Variants in ADGRL2 observed in about 807,000 individuals in gnomAD.
ADGRL2 encodes the protein calcium-independent alpha-latrotoxin receptor 2.
Under a neutral mutation model 157.4 loss-of-function variants are expected in ADGRL2, and 44 were observed. The observed-to-expected ratio is 0.28, with a 90% CI of 0.22 to 0.36. The LOEUF (loss-of-function observed/expected upper bound fraction) is 0.36. ADGRL2 is among the 10% of genes least tolerant of loss of function. The probability of loss-of-function intolerance (pLI) is 1.00; values close to 1 mark genes in which losing one functional copy is unlikely to be tolerated. For missense variants in ADGRL2, 1,510 were observed against 1,768.9 expected (o/e 0.85, Z 2.63); for synonymous variants, 585 against 624.7 (o/e 0.94, Z 0.95).
At chr1:81,781,790 A>G (rs1031534077) in intron 2 of ADGRL2, among the ~76,000 whole-genome samples, 1 of 152,236 alleles carries the variant, frequency 6.6e-6, no homozygotes, top group Admixed American at 6.5e-5. Flanking sequence ...TGCCAGGGAC[A>G]CTACTGCCAG....
At chr1:81,426,595 CAGATGATAGTTTA>C (rs1488777112) in intron 1 of ADGRL2, 1 of 474,638 alleles carries the variant, frequency 2.1e-6, no homozygotes, top group African/African-American at 2.0e-5. Flanking sequence ...TTTGAAACGA[CAGATGATAGTTTA>C]AGAGAACATT....
chr1:81,390,114 A>C (rs1180265697), intron 1 of ADGRL2, among the ~76,000 whole-genome samples: 2 of 152,288 alleles, frequency 1.3e-5, no homozygotes, highest in Admixed American at 6.5e-5. Flanking sequence ...GAGGAAAACA[A>C]GGAAGAAGAG....
In ADGRL2 at chr1:81,455,656, G is replaced by A. The variant is rs557987043; in HGVS notation, c.-248+10567G>A. Among the ~76,000 whole-genome samples the A allele has an allele frequency of 2.6e-5, 4 of 152,194 alleles. No individual in the cohort carries two copies. The East Asian group carries it at 5.8e-4, about 22-fold the overall frequency. On this transcript the variant is annotated intron_variant, in intron 2 of 24. Coordinates refer to the ADGRL2 transcript ENST00000370721. ...GTTGAAGAAGTCATTTTTGAAAGGT[G>A]GAAAAAGGGGAAGTCATACAAGAAA... is the stretch of plus-strand genomic sequence containing the variant.
intron 2 of ADGRL2, among the ~76,000 whole-genome samples, chr1:81,463,487 T>C (rs982081842): frequency 2.0e-5 from 3 of 152,188 alleles, no homozygotes; most frequent in East Asian, 3.9e-4. Flanking sequence ...TGAGAACTTT[T>C]GTTACAAAAC....
chr1:81,767,013 TC>T (rs2086156226), intron 2 of ADGRL2, among the ~76,000 whole-genome samples: 1 of 152,082 alleles, frequency 6.6e-6, no homozygotes, highest in Non-Finnish European at 1.5e-5. Context: ...ATTTTCTCTA[TC>T]CCTTGCTTTT....
chr1:81,790,556 C>A (rs2087286693), intron 2 of ADGRL2, among the ~76,000 whole-genome samples: 3 of 152,082 alleles, frequency 2.0e-5, no homozygotes, highest in Admixed American at 2.0e-4. Context: ...TATAAGATTT[C>A]TAGGTTATTC....
chr1:81,596,043 T>C (rs1196379415), intron 3 of ADGRL2: 1 of 325,578 alleles, frequency 3.1e-6, no homozygotes. Context: ...TCTACCCTCA[T>C]GACCTAGTCA....
intron 2 of ADGRL2, among the ~76,000 whole-genome samples, chr1:81,884,447 G>T (rs922993689): frequency 6.6e-6 from 1 of 152,094 alleles, no homozygotes; most frequent in African/African-American, 2.4e-5. Flanking sequence ...CTGCTCTGTT[G>T]TTCCAAAATT....
intron 1 of ADGRL2, among the ~76,000 whole-genome samples, chr1:81,413,133 C>T (rs2076976545): frequency 6.6e-6 from 1 of 152,112 alleles, no homozygotes; most frequent in African/African-American, 2.4e-5. Flanking sequence ...ATTCCTGACT[C>T]CCTGGATGTA....
At chr1:81,440,480 C>T (rs1258987725) in intron 1 of ADGRL2, among the ~76,000 whole-genome samples, 1 of 152,170 alleles carries the variant, frequency 6.6e-6, no homozygotes, top group Non-Finnish European at 1.5e-5. Context: ...AGAATTCCCA[C>T]CCATATGGAG....
chr1:81,403,799 ATT>A (rs200477492), intron 1 of ADGRL2, among the ~76,000 whole-genome samples: 7 of 139,222 alleles, frequency 5.0e-5, no homozygotes, highest in African/African-American at 8.0e-5. Context: ...AATGTCTTTG[ATT>A]TTTTTTTTTT....
intron 8 of ADGRL2, 136 bp from the exon 9 acceptor site, chr1:81,951,821 A>G: frequency 1.9e-6 from 1 of 513,560 alleles, no homozygotes; most frequent in Non-Finnish European, 3.4e-6. Flanking sequence ...AGACGAAGGG[A>G]AAGTCATCAG....
chr1:81,928,333 C>T (rs1038119971), intron 3 of ADGRL2, among the ~76,000 whole-genome samples: 12 of 152,174 alleles, frequency 7.9e-5, no homozygotes, highest in African/African-American at 9.6e-5. Context: ...GAATCAGGTA[C>T]GGCTGATTGA....
intron 1 of ADGRL2, among the ~76,000 whole-genome samples, chr1:81,828,409 T>C (rs2091678995): frequency 6.6e-6 from 1 of 152,104 alleles, no homozygotes; most frequent in Non-Finnish European, 1.5e-5. Flanking sequence ...TTGGAAATGT[T>C]TTTTTTTAAG....
At chr1:81,629,149 G>T (rs1570679713) in intron 3 of ADGRL2, among the ~76,000 whole-genome samples, 1 of 152,156 alleles carries the variant, frequency 6.6e-6, no homozygotes, top group African/African-American at 2.4e-5. Flanking sequence ...TAGGGCAAAA[G>T]CTTCATTTAT....
intron 1 of ADGRL2, among the ~76,000 whole-genome samples, chr1:81,437,315 T>C (rs976429880): frequency 2.0e-5 from 3 of 152,202 alleles, no homozygotes; most frequent in Admixed American, 2.0e-4. Flanking sequence ...TTTTTTACAC[T>C]AGGCAAACAG....
At chr1:81,791,199 C>A (rs1410754578) in intron 2 of ADGRL2, among the ~76,000 whole-genome samples, 6 of 150,424 alleles carry the variant, frequency 4.0e-5, no homozygotes, top group Non-Finnish European at 7.4e-5. Flanking sequence ...TTTAAGGCAT[C>A]TTTTAAAAAT....
chr1:81,346,618 TTCTC>T (rs1176612763), intron 1 of ADGRL2, among the ~76,000 whole-genome samples: 1 of 152,082 alleles, frequency 6.6e-6, no homozygotes, highest in Non-Finnish European at 1.5e-5. Context: ...ATCTCTCACT[TTCTC>T]TCCCCACTCC....
chr1:81,687,936 T>TTGC (rs1450310601), intron 3 of ADGRL2, among the ~76,000 whole-genome samples: 9 of 152,204 alleles, frequency 5.9e-5, no homozygotes, highest in Admixed American at 5.9e-4. Flanking sequence ...ATGCTTAGTT[T>TTGC]TGCTGGATAC....
Sources: allele counts gnomAD v4.1 joint callset (sites outside exome capture counted in the v4.1 genomes callset), GRCh38; gene constraint gnomAD v4.1.1; transcripts MANE v1.5; gene names NCBI Gene and HGNC (gene_info 2026-07-23, HGNC 2026-07-21).